The following CHN1 variants were observed in gnomAD, a reference collection of about 807,000 sequenced individuals.
The protein encoded by CHN1 is N-chimaerin.
A neutral mutation model predicts 59.5 loss-of-function variants in CHN1; 37 were observed. That is an observed-to-expected ratio of 0.62 (90% CI 0.48 to 0.82). The LOEUF (loss-of-function observed/expected upper bound fraction) is 0.82, where lower values mean the gene tolerates loss of function less well. Among genes scored for constraint, CHN1 ranks in the 40% least tolerant of loss-of-function variants. The probability of loss-of-function intolerance (pLI) is 0.00; values close to 1 mark genes in which losing one functional copy is unlikely to be tolerated. For synonymous variants in CHN1, 206 were observed against 200.4 expected (o/e 1.03, Z -0.24); for missense variants, 469 against 571.0 (o/e 0.82, Z 1.82).
Position 175,005,276 on chromosome 2 carries a change from G to T in CHN1, c.-364C>A, listed in dbSNP as rs985619630. The T allele has an allele frequency of 1.7e-6, 2 of 1,168,132 alleles. No homozygotes were observed. The highest frequency in any genetic ancestry group is 2.0e-5 in the South Asian group (1 of 48,912). 72.4% of individuals were successfully genotyped at this position (1,168,132 alleles called of 1,614,324 possible). A position where few individuals can be genotyped will look rare whatever the true frequency, so the allele number is the denominator to read the frequency against. The stretch of plus-strand genomic sequence containing the variant: ...GCGGCGCCGCACTGGCGGCGGCGGC[G>T]GCGGCGACGGGGAGAGCAGCAGCAG... On this transcript the variant is annotated 5_prime_UTR_variant, in exon 1 of 13. Coordinates refer to ENST00000409900, the MANE Select transcript of CHN1 (RefSeq NM_001822.7).
At chr2:174,820,925 C>CGGTGGA (rs1685469650) in intron 8 of CHN1, among the ~76,000 whole-genome samples, 1 of 152,148 alleles carries the variant, frequency 6.6e-6, no homozygotes, top group African/African-American at 2.4e-5. Context: ...GACAAGCTCT[C>CGGTGGA]TTTTGCCTCG....
intron 5 of CHN1, among the ~76,000 whole-genome samples, chr2:174,894,689 G>C (rs1458788507): frequency 6.6e-6 from 1 of 152,100 alleles, no homozygotes; most frequent in Non-Finnish European, 1.5e-5. Flanking sequence ...CTGCAGCATT[G>C]TTCACAATAG....
intron 7 of CHN1, among the ~76,000 whole-genome samples, chr2:174,841,554 C>T (rs908223923): frequency 6.6e-6 from 1 of 152,140 alleles, no homozygotes; most frequent in Non-Finnish European, 1.5e-5. Context: ...CTGATCTGCG[C>T]TATTTTTGTC....
chr2:174,850,578 G>A (rs1010623295), intron 6 of CHN1, among the ~76,000 whole-genome samples: 6 of 152,032 alleles, frequency 3.9e-5, no homozygotes, highest in Non-Finnish European at 8.8e-5. Flanking sequence ...GGATTACAGG[G>A]GTGCTGAGCC....
chr2:174,966,448 G>A (rs1020700410), intron 1 of CHN1, among the ~76,000 whole-genome samples: 3 of 152,064 alleles, frequency 2.0e-5, no homozygotes, highest in Non-Finnish European at 4.4e-5. Context: ...TCCTGACCAC[G>A]GACCCACAGC....
At chr2:174,995,103 ATTCT>A (rs1691664983) in intron 1 of CHN1, among the ~76,000 whole-genome samples, 1 of 152,188 alleles carries the variant, frequency 6.6e-6, no homozygotes, top group Non-Finnish European at 1.5e-5. Context: ...TTATATGTTT[ATTCT>A]TTCTTTCTTC....
intron 1 of CHN1, among the ~76,000 whole-genome samples, chr2:174,955,687 G>T (rs1205211307): frequency 1.3e-5 from 2 of 152,046 alleles, no homozygotes; most frequent in African/African-American, 4.8e-5. Context: ...AATGTGGTAT[G>T]TACACACCAT....
At chr2:174,901,282 T>C (rs1048173590) in intron 5 of CHN1, among the ~76,000 whole-genome samples, 2 of 152,228 alleles carry the variant, frequency 1.3e-5, no homozygotes, top group Admixed American at 6.5e-5. Flanking sequence ...TTCAGAGATG[T>C]GCACTGCAGC....
At chr2:174,816,713 T>A (rs1485968559) in intron 8 of CHN1, among the ~76,000 whole-genome samples, 1 of 152,140 alleles carries the variant, frequency 6.6e-6, no homozygotes, top group Non-Finnish European at 1.5e-5. Context: ...TGATAGTTGA[T>A]GTATATGTTT....
At chr2:174,950,177 G>A (rs1689971189) in intron 2 of CHN1, among the ~76,000 whole-genome samples, 1 of 152,070 alleles carries the variant, frequency 6.6e-6, no homozygotes, top group Non-Finnish European at 1.5e-5. Context: ...GAGCCCAGGG[G>A]GTCAAGGCTG....
At chr2:174,978,445 A>T (rs1691029225) in intron 1 of CHN1, among the ~76,000 whole-genome samples, 1 of 152,232 alleles carries the variant, frequency 6.6e-6, no homozygotes, top group African/African-American at 2.4e-5. Flanking sequence ...GGCATTAAAC[A>T]AAGAATGAGG....
At chr2:174,801,475 A>G (rs913066867) in intron 12 of CHN1, among the ~76,000 whole-genome samples, 13 of 152,244 alleles carry the variant, frequency 8.5e-5, no homozygotes, top group African/African-American at 2.9e-4. Flanking sequence ...ATCTGAAAAC[A>G]TATACTGGAA....
intron 6 of CHN1, among the ~76,000 whole-genome samples, chr2:174,854,785 G>A (rs201372206): frequency 6.6e-6 from 1 of 152,108 alleles, no homozygotes; most frequent in Non-Finnish European, 1.5e-5. Flanking sequence ...TTGTGTCAAA[G>A]GACCTACATT....
At chr2:174,851,578 A>G (rs1247972232) in intron 6 of CHN1, among the ~76,000 whole-genome samples, 1 of 152,102 alleles carries the variant, frequency 6.6e-6, no homozygotes, top group Non-Finnish European at 1.5e-5. Context: ...CATCGCACCC[A>G]GTGATCCTGC....
chr2:174,847,001 G>T (rs1207863164), intron 6 of CHN1, 44 bp from the exon 7 acceptor site: 1 of 1,551,748 alleles, frequency 6.4e-7, no homozygotes, highest in Admixed American at 2.0e-5. Context: ...GATTGTCACA[G>T]ACGACTTTGG....
intron 1 of CHN1, among the ~76,000 whole-genome samples, chr2:174,988,227 C>G (rs942502062): frequency 6.6e-5 from 10 of 151,346 alleles, no homozygotes; most frequent in Admixed American, 2.0e-4. Flanking sequence ...CATGGTGGTG[C>G]GCGCCTGTAG....
Position 174,799,264 on chromosome 2 carries a change from T to A in CHN1, c.*852A>T, listed in dbSNP as rs1052667384. 2 of 298,630 alleles carry A rather than the reference T, an allele frequency of 6.7e-6. No individual in the cohort carries two copies. The highest frequency in any genetic ancestry group is 4.4e-5 in the African/African-American group (2 of 45,154). 18.5% of individuals were successfully genotyped at this position (298,630 alleles called of 1,614,324 possible). ...TGGTTGTTCTAACTGTAAGCAGTTTTAAATGATTATTTTAGAAGCTTATCA... is the reference window on the plus strand; with the variant it reads ...TGGTTGTTCTAACTGTAAGCAGTTTAAAATGATTATTTTAGAAGCTTATCA... On this transcript the variant is annotated 3_prime_UTR_variant, in exon 13 of 13. Coordinates refer to ENST00000409900, the MANE Select transcript of CHN1 (RefSeq NM_001822.7).
intron 1 of CHN1, among the ~76,000 whole-genome samples, chr2:174,964,596 T>C (rs1690536715): frequency 6.6e-6 from 1 of 152,202 alleles, no homozygotes; most frequent in Non-Finnish European, 1.5e-5. Context: ...TATAGCTTTG[T>C]GGCAAACTTA....
intron 5 of CHN1, among the ~76,000 whole-genome samples, chr2:174,904,807 T>G (rs1422792716): frequency 6.6e-6 from 1 of 152,230 alleles, no homozygotes; most frequent in Admixed American, 6.5e-5. Flanking sequence ...CACATGGTCT[T>G]ATTTTATAGA....
Sources: allele counts gnomAD v4.1 joint callset (sites outside exome capture counted in the v4.1 genomes callset), GRCh38; gene constraint gnomAD v4.1.1; transcripts MANE v1.5; gene names NCBI Gene and HGNC (gene_info 2026-07-23, HGNC 2026-07-21).